Variants in BACE2 observed in about 807,000 individuals in gnomAD.
The protein encoded by BACE2 is beta-secretase 2.
Under a neutral mutation model 46.2 loss-of-function variants are expected in BACE2, and 17 were observed. The observed-to-expected ratio is 0.37, with a 90% CI of 0.25 to 0.55. BACE2 has a LOEUF of 0.55. Ranked by LOEUF, BACE2 falls within the 20% of genes least tolerant of loss-of-function variation. The probability of loss-of-function intolerance (pLI) is 0.82; values close to 1 mark genes in which losing one functional copy is unlikely to be tolerated. For synonymous variants in BACE2, 277 were observed against 295.9 expected, an observed-to-expected ratio of 0.94 and a Z score of 0.66; for missense variants, 595 against 698.1, an observed-to-expected ratio of 0.85 and a Z score of 1.66.
intron 1 of BACE2, among the ~76,000 whole-genome samples, chr21:41,199,235 C>T (rs1985862262): frequency 6.6e-6 from 1 of 152,226 alleles, no homozygotes; most frequent in South Asian, 2.1e-4. Flanking sequence ...CCTCTTTCCC[C>T]TTTCCTCCTT....
At chr21:41,183,743 A>G (rs1427069718) in intron 1 of BACE2, 1 of 167,132 alleles carries the variant, frequency 6.0e-6, no homozygotes, top group Non-Finnish European at 1.5e-5. Context: ...TGAGCTAAGC[A>G]GCTCACTGGG....
intron 1 of BACE2, among the ~76,000 whole-genome samples, chr21:41,221,751 C>T (rs924299427): frequency 1.0e-4 from 15 of 150,662 alleles, no homozygotes; most frequent in African/African-American, 3.4e-4. Flanking sequence ...TGGCGTGAGC[C>T]CAGGAGGAGG....
chr21:41,248,942 G>A (rs1024392982), intron 6 of BACE2, among the ~76,000 whole-genome samples: 1 of 152,184 alleles, frequency 6.6e-6, no homozygotes, highest in Admixed American at 6.5e-5. Flanking sequence ...CTGTCCCTGT[G>A]CCCCTCCTCG....
intron 2 of BACE2, among the ~76,000 whole-genome samples, chr21:41,237,183 C>A (rs1987148045): frequency 6.6e-6 from 1 of 152,184 alleles, no homozygotes; most frequent in African/African-American, 2.4e-5. Flanking sequence ...CGCAGTGGCT[C>A]ACGCCTGTAA....
intron 1 of BACE2, among the ~76,000 whole-genome samples, chr21:41,173,337 C>A (rs114687370): frequency 6.6e-6 from 1 of 152,176 alleles, no homozygotes; most frequent in African/African-American, 2.4e-5. Flanking sequence ...ATGAAGCCTG[C>A]GGCAAGAGAG....
At chr21:41,248,974 G>A (rs182111320) in intron 6 of BACE2, among the ~76,000 whole-genome samples, 62 of 152,286 alleles carry the variant, frequency 4.1e-4, no homozygotes, top group African/African-American at 9.9e-4. Flanking sequence ...CTTCTGGCCT[G>A]AGCCACCTGT....
intron 1 of BACE2, chr21:41,182,647 A>C (rs1985179968): frequency 6.0e-6 from 1 of 167,134 alleles, no homozygotes; most frequent in African/African-American, 2.4e-5. Context: ...CTTGGCTTCC[A>C]TACTGCTCAA....
chr21:41,257,738 G>A (rs77793007), intron 8 of BACE2, among the ~76,000 whole-genome samples: 6 of 152,130 alleles, frequency 3.9e-5, no homozygotes, highest in Non-Finnish European at 5.9e-5. Flanking sequence ...CTATCGTTGC[G>A]ATTTCTTGAA....
At chr21:41,244,270 G>A (rs575875481) in intron 5 of BACE2, among the ~76,000 whole-genome samples, 3 of 152,190 alleles carry the variant, frequency 2.0e-5, no homozygotes, top group East Asian at 1.9e-4. Flanking sequence ...CTCTTGTCAC[G>A]CGCGTCCATG....
intron 8 of BACE2, among the ~76,000 whole-genome samples, chr21:41,271,223 T>C (rs922823725): frequency 2.7e-5 from 4 of 147,566 alleles, no homozygotes; most frequent in African/African-American, 1.1e-4. Context: ...GAGAATATAC[T>C]TGGATCTTGC....
intron 1 of BACE2, among the ~76,000 whole-genome samples, chr21:41,208,683 G>A (rs1335616844): frequency 6.6e-6 from 1 of 152,088 alleles, no homozygotes; most frequent in African/African-American, 2.4e-5. Context: ...AGGGTATGAG[G>A]GCTCAGGGGC....
At chr21:41,237,169 C>T (rs566625057) in intron 2 of BACE2, among the ~76,000 whole-genome samples, 133 of 152,238 alleles carry the variant, frequency 8.7e-4, no homozygotes, top group African/African-American at 3.0e-3. Flanking sequence ...GGGGCTTAGC[C>T]GGGCGCAGTG....
intron 3 of BACE2, among the ~76,000 whole-genome samples, chr21:41,239,578 A>G (rs188941515): frequency 2.3e-4 from 35 of 152,222 alleles, no homozygotes; most frequent in Admixed American, 1.3e-4. Flanking sequence ...AGGTTTCACT[A>G]TGTTGGCCAG....
At chr21:41,176,407 T>C (rs1158338639) in intron 1 of BACE2, 1 of 152,210 alleles carries the variant, frequency 6.6e-6, no homozygotes, top group African/African-American at 2.4e-5. Context: ...CCATATGCAG[T>C]CCAGACTTAT....
intron 5 of BACE2, among the ~76,000 whole-genome samples, chr21:41,243,990 A>G (rs183452983): frequency 6.6e-6 from 1 of 152,268 alleles, no homozygotes; most frequent in East Asian, 1.9e-4. Context: ...TGCTGTATAG[A>G]TGTGTGTGGC....
intron 6 of BACE2, among the ~76,000 whole-genome samples, chr21:41,247,448 T>G (rs1987504999): frequency 6.6e-6 from 1 of 152,254 alleles, no homozygotes; most frequent in African/African-American, 2.4e-5. Context: ...TTAGAACGCT[T>G]GCTCAAAATC....
In BACE2 at chr21:41,168,484, C is replaced by T; in HGVS notation, c.221C>T (p.Ala74Val). 10 of 1,389,832 alleles carry T rather than the reference C, an allele frequency of 7.2e-6. No homozygotes were observed. Among genetic ancestry groups the T allele is most frequent in the Non-Finnish European group, 9.4e-6 (10 of 1,068,108 alleles). 86.1% of individuals were successfully genotyped at this position (1,389,832 alleles called of 1,614,324 possible). A position where few individuals can be genotyped will look rare whatever the true frequency, so the allele number is the denominator to read the frequency against. The change falls in exon 1 of 9, where the codon GCC becomes GTC. Residue 74 changes from alanine to valine, a missense_variant. Around this residue, in one of 3 missense-constraint regions of BACE2, gnomAD observed 248 missense variants for 261.4 expected, o/e 0.95. Coordinates refer to ENST00000330333, the MANE Select transcript of BACE2 (RefSeq NM_012105.5). ...LEPALASPAG[A>V]ANFLAMVDNL... Reference sequence around the variant, plus strand: ...CCTGCCCTGGCGTCCCCCGCGGGCGCCGCCAACTTCTTGGCCATGGTAGAC... The same window carrying T: ...CCTGCCCTGGCGTCCCCCGCGGGCGTCGCCAACTTCTTGGCCATGGTAGAC...
chr21:41,210,416 A>C (rs1230976686), intron 1 of BACE2, among the ~76,000 whole-genome samples: 2 of 152,142 alleles, frequency 1.3e-5, no homozygotes, highest in South Asian at 4.1e-4. Flanking sequence ...CAAGATACCA[A>C]CTTATAAGCA....
intron 8 of BACE2, among the ~76,000 whole-genome samples, chr21:41,262,118 G>A (rs933104652): frequency 2.0e-5 from 3 of 152,028 alleles, no homozygotes; most frequent in Non-Finnish European, 4.4e-5. Flanking sequence ...ATTTCCCCAG[G>A]TGTCCCCAGA....
Sources: gnomAD v4.1 joint callset for allele counts (sites outside exome capture counted in the v4.1 genomes callset) on GRCh38, gnomAD v4.1.1 for gene constraint, gnomAD v4.1.1 regional missense constraint, MANE v1.5 for transcripts, NCBI Gene and HGNC (gene_info 2026-07-23, HGNC 2026-07-21) for gene names.